The following KHDRBS2 variants were observed in gnomAD, a reference collection of about 807,000 sequenced individuals.
The protein encoded by KHDRBS2 is KH RNA binding domain containing, signal transduction associated 2.
KHDRBS2 carries 26 observed loss-of-function variants against 44.3 expected under a neutral mutation model. The observed-to-expected ratio is 0.59, with a 90% CI of 0.43 to 0.81. The LOEUF (loss-of-function observed/expected upper bound fraction) is 0.81, where lower values mean the gene tolerates loss of function less well. Ranked by LOEUF, KHDRBS2 falls within the 40% of genes least tolerant of loss-of-function variation. The probability of loss-of-function intolerance (pLI) is 0.00; values close to 1 mark genes in which losing one functional copy is unlikely to be tolerated. For synonymous variants in KHDRBS2, 194 were observed against 151.1 expected, an observed-to-expected ratio of 1.28 and a Z score of -2.08; for missense variants, 476 against 433.1, an observed-to-expected ratio of 1.10 and a Z score of -0.88.
the KHDRBS2 span, among the ~76,000 whole-genome samples, chr6:61,586,555 G>A: frequency 2.0e-5 from 3 of 152,142 alleles, no homozygotes; most frequent in South Asian, 6.2e-4. Flanking sequence ...TTGGCAAGGT[G>A]ACTAGTACAA....
At chr6:61,609,768 A>G in the KHDRBS2 span, among the ~76,000 whole-genome samples, 1 of 152,192 alleles carries the variant, frequency 6.6e-6, no homozygotes, top group Non-Finnish European at 1.5e-5. Flanking sequence ...AAGCTGGTAA[A>G]TTTCCAAGCA....
the KHDRBS2 span, among the ~76,000 whole-genome samples, chr6:61,574,023 A>G: frequency 7.0e-4 from 106 of 152,306 alleles, no homozygotes; most frequent in Non-Finnish European, 1.1e-3. Context: ...GTAAACAAAA[A>G]CATAAAGTGG....
chr6:62,130,986 AT>A (rs1810164602), intron 2 of KHDRBS2, among the ~76,000 whole-genome samples: 1 of 152,110 alleles, frequency 6.6e-6, no homozygotes, highest in Non-Finnish European at 1.5e-5. Flanking sequence ...CTGTACTAGT[AT>A]GATTACATAA....
chr6:61,571,632 A>G, the KHDRBS2 span, among the ~76,000 whole-genome samples: 1 of 152,142 alleles, frequency 6.6e-6, no homozygotes, highest in Non-Finnish European at 1.5e-5. Flanking sequence ...CAGTACAGGG[A>G]ACATTCTCCA....
intron 1 of KHDRBS2, among the ~76,000 whole-genome samples, chr6:62,270,058 T>C (rs1839822294): frequency 6.6e-6 from 1 of 152,126 alleles, no homozygotes; most frequent in Admixed American, 6.6e-5. Context: ...AGGTGGTTCT[T>C]AAAGGAATTG....
At chr6:62,065,978 A>C (rs905378878) in intron 2 of KHDRBS2, among the ~76,000 whole-genome samples, 5 of 151,658 alleles carry the variant, frequency 3.3e-5, no homozygotes, top group Non-Finnish European at 3.0e-5. Flanking sequence ...TCATAGAGAC[A>C]TCTAAAGAGC....
the KHDRBS2 span, among the ~76,000 whole-genome samples, chr6:61,612,290 G>A: frequency 6.6e-6 from 1 of 152,140 alleles, no homozygotes; most frequent in East Asian, 1.9e-4. Flanking sequence ...ACTGAACATG[G>A]AAAGCTCAGA....
At chr6:62,114,979 C>T (rs79599076) in intron 2 of KHDRBS2, among the ~76,000 whole-genome samples, 4,594 of 152,030 alleles carry the variant, frequency 0.03, 239 homozygotes, top group African/African-American at 0.1. Context: ...TTTTTGTCGG[C>T]GTAAATATTT....
chr6:61,996,147 A>G (rs1178871142), intron 3 of KHDRBS2, among the ~76,000 whole-genome samples: 1 of 152,202 alleles, frequency 6.6e-6, no homozygotes, highest in Non-Finnish European at 1.5e-5. Context: ...TAATCTGTCT[A>G]CAGGGCAAGT....
At chr6:62,037,119 A>T (rs907486749) in intron 3 of KHDRBS2, among the ~76,000 whole-genome samples, 1 of 151,996 alleles carries the variant, frequency 6.6e-6, no homozygotes, top group African/African-American at 2.4e-5. Flanking sequence ...TCATCATAAT[A>T]CAAGTTTCTA....
chr6:62,223,982 C>A (rs1831333192), intron 1 of KHDRBS2, among the ~76,000 whole-genome samples: 1 of 152,186 alleles, frequency 6.6e-6, no homozygotes, highest in African/African-American at 2.4e-5. Context: ...TTACCCAGTT[C>A]CAAAGCTGCT....
chr6:61,809,468 A>G (rs1787756597), intron 6 of KHDRBS2, among the ~76,000 whole-genome samples: 2 of 152,160 alleles, frequency 1.3e-5, no homozygotes, highest in African/African-American at 4.8e-5. Context: ...CTATTGTAAT[A>G]TCTGAGCTGT....
chr6:62,042,287 A>G (rs1038684963), intron 3 of KHDRBS2, among the ~76,000 whole-genome samples: 1 of 152,116 alleles, frequency 6.6e-6, no homozygotes, highest in Non-Finnish European at 1.5e-5. Context: ...TGTTTCACAA[A>G]CACAAATGAT....
Position 61,695,486 on chromosome 6 carries a change from T to G in KHDRBS2, c.952+1709A>C, listed in dbSNP as rs192257814. Among the ~76,000 whole-genome samples, 35 of 152,240 alleles carry G rather than the reference T, an allele frequency of 2.3e-4. No homozygotes were observed. In the East Asian group the frequency reaches 6.6e-3, roughly 29 times the overall value. Reference sequence around the variant, plus strand: ...TTTCTATAAGGATTACTTCTGCAATTGCTAATCCTTATTATAAAATGCTTA... The same window carrying G: ...TTTCTATAAGGATTACTTCTGCAATGGCTAATCCTTATTATAAAATGCTTA... On this transcript the variant is annotated intron_variant, in intron 8 of 8. Transcript: ENST00000281156.
intron 3 of KHDRBS2, among the ~76,000 whole-genome samples, chr6:62,030,771 A>C (rs971527101): frequency 2.0e-5 from 3 of 152,120 alleles, no homozygotes; most frequent in African/African-American, 7.2e-5. Context: ...CTTGTGCTTT[A>C]ACTTTTGATG....
At chr6:62,247,076 G>A (rs559747581) in intron 1 of KHDRBS2, among the ~76,000 whole-genome samples, 11 of 151,896 alleles carry the variant, frequency 7.2e-5, no homozygotes, top group Non-Finnish European at 1.3e-4. Flanking sequence ...TCCTCTTAAA[G>A]TATAGAGAAA....
In KHDRBS2 at chr6:61,837,267, G is replaced by T. The variant is rs1054456413; in HGVS notation, c.810+57368C>A. On this transcript the variant is annotated intron_variant, in intron 6 of 8. Coordinates refer to ENST00000281156, the MANE Select transcript of KHDRBS2 (RefSeq NM_152688.4). Reference sequence around the variant, plus strand: ...ATAAGTATTCAAAGTGTTCATTATTGTTTCATGTTTCAGTAGCTACTGAAA... The same window carrying T: ...ATAAGTATTCAAAGTGTTCATTATTTTTTCATGTTTCAGTAGCTACTGAAA... Among the ~76,000 whole-genome samples, 22 of 151,922 alleles carry T rather than the reference G, an allele frequency of 1.4e-4. 1 individual carries two copies. The highest frequency in any genetic ancestry group is 6.6e-4 in the Admixed American group (10 of 15,214).
the KHDRBS2 span, among the ~76,000 whole-genome samples, chr6:61,549,388 T>C: frequency 6.6e-6 from 1 of 152,210 alleles, no homozygotes. Context: ...TTATTTCAAT[T>C]GTTTATCATA....
chr6:62,065,878 A>C (rs1793551920), intron 2 of KHDRBS2, among the ~76,000 whole-genome samples: 1 of 151,876 alleles, frequency 6.6e-6, no homozygotes, highest in Non-Finnish European at 1.5e-5. Flanking sequence ...TAATGTCAAC[A>C]CATACACAAT....
Sources: allele counts gnomAD v4.1 joint callset (sites outside exome capture counted in the v4.1 genomes callset), GRCh38; gene constraint gnomAD v4.1.1; transcripts MANE v1.5; gene names NCBI Gene and HGNC (gene_info 2026-07-23, HGNC 2026-07-21).